The following HMGXB4 variants were observed in gnomAD, a reference collection of about 807,000 sequenced individuals.
The protein encoded by HMGXB4 is HMG domain-containing protein 4.
Under a neutral mutation model 63.9 loss-of-function variants are expected in HMGXB4, and 27 were observed. That is an observed-to-expected ratio of 0.42 (90% CI 0.31 to 0.58). The LOEUF (loss-of-function observed/expected upper bound fraction) is 0.58, where lower values mean the gene tolerates loss of function less well. Among genes scored for constraint, HMGXB4 ranks in the 20% least tolerant of loss-of-function variants. HMGXB4 has a pLI of 0.13. For synonymous variants in HMGXB4, 264 were observed against 265.3 expected, an observed-to-expected ratio of 0.99 and a Z score of 0.05; for missense variants, 624 against 700.7, an observed-to-expected ratio of 0.89 and a Z score of 1.24.
chr22:35,269,733 G>C (rs1923486752), intron 5 of HMGXB4, among the ~76,000 whole-genome samples: 2 of 152,154 alleles, frequency 1.3e-5, no homozygotes, highest in Admixed American at 6.5e-5. Context: ...AATAACCAAG[G>C]GAGTTACTAT....
In HMGXB4 at chr22:35,264,871, A is replaced by G. The variant is rs2146403436; in HGVS notation, c.483A>G (p.Leu161=). 6.2e-7 allele frequency: 1 copy of G among 1,614,114 alleles called. No homozygotes were observed. Among genetic ancestry groups the G allele is most frequent in the Non-Finnish European group, 8.5e-7 (1 of 1,179,966 alleles). ...KVSGSSGELP[L]EDGGSHKSKK... ...GTGGAAGCAGTGGGGAACTACCCCT[A>G]GAGGATGGTGGCTCCCACAAATCGA... Residue 161 remains leucine, a synonymous_variant, in exon 5 of 11, where the codon CTA becomes CTG. Coordinates refer to ENST00000216106, the MANE Select transcript of HMGXB4 (RefSeq NM_001003681.3).
intron 5 of HMGXB4, among the ~76,000 whole-genome samples, chr22:35,280,278 C>G (rs1009663716): frequency 1.3e-5 from 2 of 152,194 alleles, no homozygotes; most frequent in Non-Finnish European, 2.9e-5. Context: ...TGAAGTGCCA[C>G]ACACCAATGG....
upstream of HMGXB4, among the ~76,000 whole-genome samples, chr22:35,256,637 T>C (rs540994460): frequency 6.6e-6 from 1 of 152,208 alleles, no homozygotes; most frequent in African/African-American, 2.4e-5. Flanking sequence ...GTAGCTGGGA[T>C]TACAGGCACG....
Position 35,265,568 on chromosome 22 carries a change from GAA to G in HMGXB4, c.1181_1182del (p.Glu394GlyfsTer25). Reference sequence around the variant, plus strand: ...GCATAGTGAAAAAAAAAAGAAAAAAGAAGAGAAGGACAAAGAGAGAGAGAGAG... The same window carrying G: ...GCATAGTGAAAAAAAAAAGAAAAAAGGAGAAGGACAAAGAGAGAGAGAGAG... ...DGHSEKKKKK[E>X]EKDKERERGE... On this transcript the variant is annotated frameshift_variant, in exon 5 of 11. Transcript: ENST00000216106. LOFTEE classifies it high-confidence loss of function. The G allele has an allele frequency of 6.3e-7, 1 of 1,594,434 alleles. No individual in the cohort carries two copies. The highest frequency in any genetic ancestry group is 8.5e-7 in the Non-Finnish European group (1 of 1,173,642).
chr22:35,251,044 CCATTGCCAATA>C, the HMGXB4 span, among the ~76,000 whole-genome samples: 1 of 151,720 alleles, frequency 6.6e-6, no homozygotes, highest in Non-Finnish European at 1.5e-5. Flanking sequence ...CAAACCAAAC[CCATTGCCAATA>C]CAATGCCTAT....
chr22:35,274,475 T>C (rs776668099), intron 5 of HMGXB4, among the ~76,000 whole-genome samples: 1 of 152,254 alleles, frequency 6.6e-6, no homozygotes, highest in East Asian at 1.9e-4. Flanking sequence ...GCTGTACATG[T>C]AGAGTTCCTC....
chr22:35,277,162 G>C (rs1923960243), intron 5 of HMGXB4, among the ~76,000 whole-genome samples: 1 of 152,158 alleles, frequency 6.6e-6, no homozygotes, highest in Non-Finnish European at 1.5e-5. Flanking sequence ...AGTAGAGCCA[G>C]GTTCTCATCC....
At position 35,265,550 on chromosome 22, in the gene HMGXB4, GA is replaced by G. The variant is rs769388508; in HGVS notation, c.1172del (p.Lys391ArgfsTer33). ...TGGCCTCCACACAGATGGGCATAGT[GA>G]AAAAAAAAAGAAAAAAGAAGAGAAG... ...LPGLHTDGHS[E>X]KKKKKEEKDK... is the part of the protein sequence containing the mutation. On this transcript the variant is annotated frameshift_variant, in exon 5 of 11. Coordinates refer to ENST00000216106, the MANE Select transcript of HMGXB4 (RefSeq NM_001003681.3). LOFTEE classifies it high-confidence loss of function. 5.1e-4 allele frequency: 716 copies of G among 1,414,044 alleles called. No homozygotes were observed. The highest frequency in any genetic ancestry group is 1.5e-3 in the Admixed American group (69 of 45,996). The allele number at this position is 1,414,044 out of a possible 1,614,324, so 87.6% of individuals were successfully genotyped here.
upstream of HMGXB4, among the ~76,000 whole-genome samples, chr22:35,255,944 T>C (rs1922380625): frequency 6.6e-6 from 1 of 152,226 alleles, no homozygotes; most frequent in Non-Finnish European, 1.5e-5. Context: ...GGATGGGAGC[T>C]GCGGAGAAAA....
intron 6 of HMGXB4, among the ~76,000 whole-genome samples, chr22:35,284,657 T>C (rs576058799): frequency 6.6e-6 from 1 of 152,372 alleles, no homozygotes; most frequent in East Asian, 1.9e-4. Flanking sequence ...ACAGAATGGC[T>C]GTATGGGTAC....
intron 7 of HMGXB4, 72 bp from the exon 8 acceptor site, chr22:35,287,275 C>A: frequency 8.2e-7 from 1 of 1,213,142 alleles, no homozygotes; most frequent in Non-Finnish European, 1.2e-6. Context: ...CCATTTTGTT[C>A]TTTCATGACT....
intron 5 of HMGXB4, among the ~76,000 whole-genome samples, chr22:35,267,154 A>ATATAATATATTATTTTATATATATT (rs1555887418): frequency 6.8e-6 from 1 of 146,278 alleles, no homozygotes; most frequent in Non-Finnish European, 1.5e-5. Context: ...GTGTATATAT[A>ATATAATATATTATTTTATATATATT]ATATATATAA....
chr22:35,250,034 A>G, the HMGXB4 span, among the ~76,000 whole-genome samples: 6 of 71,514 alleles, frequency 8.4e-5, 1 homozygote, highest in East Asian at 2.7e-3. Context: ...ATACCAGAAA[A>G]TGCCACTGCT....
chr22:35,259,600 A>G (rs1216941278), intron 1 of HMGXB4, among the ~76,000 whole-genome samples: 1 of 152,188 alleles, frequency 6.6e-6, no homozygotes, highest in Non-Finnish European at 1.5e-5. Flanking sequence ...CTGTTGCTTG[A>G]GATTTATCTG....
the HMGXB4 span, among the ~76,000 whole-genome samples, chr22:35,251,220 A>G: frequency 2.0e-5 from 3 of 151,988 alleles, no homozygotes; most frequent in East Asian, 5.8e-4. Flanking sequence ...GACTACAGGC[A>G]CCTGCCACCA....
At chr22:35,288,541 C>A (rs1431693029) in intron 9 of HMGXB4, 134 bp downstream of exon 9, 2 of 505,432 alleles carry the variant, frequency 4.0e-6, no homozygotes, top group Non-Finnish European at 6.6e-6. Flanking sequence ...CTCAGGATGG[C>A]GTAACATAGA....
rs904402927 is a variant in HMGXB4 at position 35,266,001 on chromosome 22, C to G, written c.1215+398C>G. ...ACGAGGTTTCACCATGTTGGCCAGGCTGGTCTCAAACTCCTGACCTCAAGT... is the reference window on the plus strand; with the variant it reads ...ACGAGGTTTCACCATGTTGGCCAGGGTGGTCTCAAACTCCTGACCTCAAGT... On this transcript the variant is annotated intron_variant, in intron 5 of 10. Transcript: ENST00000216106. Among the ~76,000 whole-genome samples the G allele has an allele frequency of 2.0e-5, 3 of 149,504 alleles. No individual in the cohort carries two copies. In the Admixed American group the frequency reaches 2.0e-4, roughly 10 times the overall value.
the HMGXB4 span, chr22:35,249,737 A>G: frequency 3.0e-5 from 3 of 100,012 alleles, 1 homozygote; most frequent in East Asian, 8.4e-4. Context: ...ATTTTTAAAT[A>G]TTATTCTGTG....
intron 6 of HMGXB4, among the ~76,000 whole-genome samples, chr22:35,285,374 G>C (rs989175198): frequency 6.6e-6 from 1 of 152,056 alleles, no homozygotes; most frequent in African/African-American, 2.4e-5. Flanking sequence ...GTGAAACCCC[G>C]TCTCTACTAA....
Sources: allele counts gnomAD v4.1 joint callset (sites outside exome capture counted in the v4.1 genomes callset), GRCh38; gene constraint gnomAD v4.1.1; transcripts MANE v1.5; gene names NCBI Gene and HGNC (gene_info 2026-07-23, HGNC 2026-07-21).